Variants in DHRSX observed in about 807,000 individuals in gnomAD.
The protein encoded by DHRSX is dehydrogenase/reductase X-linked.
In DHRSX, 31 loss-of-function variants were observed where a neutral mutation model predicts 34.0. The ratio of observed to expected loss-of-function variants is 0.91; its 90% CI spans 0.69 to 1.23. DHRSX has a LOEUF of 1.23. Among genes scored for constraint, DHRSX ranks in the 50% most tolerant of loss-of-function variants. The pLI is 0.00. For missense variants in DHRSX, 414 were observed against 428.1 expected (o/e 0.97, Z 0.29); for synonymous variants, 201 against 183.8 (o/e 1.09, Z -0.76).
At chrX:2,410,773 T>C (rs900467858) in intron 2 of DHRSX, among the ~76,000 whole-genome samples, 1 of 152,168 alleles carries the variant, frequency 6.6e-6, no homozygotes, top group African/African-American at 2.4e-5. Context: ...TTGGAAATGT[T>C]TTTGGCTCCA....
At chrX:2,360,332 C>G (rs764826154) in intron 3 of DHRSX, among the ~76,000 whole-genome samples, 32 of 152,308 alleles carry the variant, frequency 2.1e-4, no homozygotes, top group Middle Eastern at 3.4e-3. Flanking sequence ...CGCCTGTAAT[C>G]CCAGCACTTT....
intron 1 of DHRSX, among the ~76,000 whole-genome samples, chrX:2,466,228 C>G (rs1406704783): frequency 6.6e-6 from 1 of 152,062 alleles, no homozygotes; most frequent in Non-Finnish European, 1.5e-5. Context: ...TACCTGAGGT[C>G]GGTAGCTCAA....
intron 6 of DHRSX, among the ~76,000 whole-genome samples, chrX:2,240,435 G>A (rs1354739580): frequency 2.0e-5 from 3 of 152,056 alleles, no homozygotes; most frequent in Non-Finnish European, 4.4e-5. Context: ...GGGGCGGGCA[G>A]CTCATATCAT....
intron 6 of DHRSX, among the ~76,000 whole-genome samples, chrX:2,228,794 G>A (rs1161827857): frequency 1.3e-5 from 2 of 152,080 alleles, no homozygotes; most frequent in African/African-American, 2.4e-5. Context: ...ATTTGCCTGT[G>A]ACTCTTCAAA....
intron 5 of DHRSX, among the ~76,000 whole-genome samples, chrX:2,254,206 T>C (rs1338535805): frequency 6.6e-6 from 1 of 152,216 alleles, no homozygotes; most frequent in South Asian, 2.1e-4. Context: ...TTGCATTGAT[T>C]ATTTATCCAC....
rs184425092 is a variant in DHRSX at position 2,258,179 on chromosome X, T to C, written c.596+8561A>G. Among the ~76,000 whole-genome samples the C allele has an allele frequency of 5.1e-4, 77 of 150,718 alleles. 3 individuals are homozygous for C. Among genetic ancestry groups the C allele is most frequent in the African/African-American group, 1.8e-3 (73 of 40,928 alleles). On this transcript the variant is annotated intron_variant, in intron 5 of 6. Coordinates refer to ENST00000334651, the MANE Select transcript of DHRSX (RefSeq NM_145177.3). Reference sequence around the variant, plus strand: ...GGACTGTGGGAGAATCAATGTCTGCTGTTATAAGCTACACAGTCTATGGTA... The same window carrying C: ...GGACTGTGGGAGAATCAATGTCTGCCGTTATAAGCTACACAGTCTATGGTA...
intron 3 of DHRSX, among the ~76,000 whole-genome samples, chrX:2,359,456 T>C (rs996890900): frequency 1.3e-5 from 2 of 152,050 alleles, no homozygotes; most frequent in African/African-American, 4.8e-5. Context: ...GGCGGGTGGA[T>C]CGCGAGGTCA....
In DHRSX at chrX:2,309,536, A is replaced by G. The variant is rs775055795; in HGVS notation, c.287-17933T>C. Among the ~76,000 whole-genome samples, 29 of 152,334 alleles carry G rather than the reference A, an allele frequency of 1.9e-4. No individual in the cohort carries two copies. In the South Asian group the frequency reaches 3.7e-3, roughly 20 times the overall value. ...TCTGAAATATTATTAAAGAGCTCCT[A>G]GAATAAATGTGATAAGTGTGTCCAT... On this transcript the variant is annotated intron_variant, in intron 3 of 6. Coordinates refer to ENST00000334651, the MANE Select transcript of DHRSX (RefSeq NM_145177.3).
At chrX:2,376,966 C>A (rs763703645) in intron 3 of DHRSX, among the ~76,000 whole-genome samples, 6 of 151,194 alleles carry the variant, frequency 4.0e-5, no homozygotes, top group Non-Finnish European at 7.4e-5. Flanking sequence ...TGCACTCCAG[C>A]CTGGGTGACA....
chrX:2,351,264 C>G (rs1378103969), intron 3 of DHRSX, among the ~76,000 whole-genome samples: 1 of 152,162 alleles, frequency 6.6e-6, no homozygotes, highest in Non-Finnish European at 1.5e-5. Context: ...GAAAGAAAGT[C>G]AAAGACAGTT....
At chrX:2,484,832 T>G (rs1448960295) in intron 1 of DHRSX, among the ~76,000 whole-genome samples, 3 of 152,118 alleles carry the variant, frequency 2.0e-5, no homozygotes, top group Non-Finnish European at 4.4e-5. Context: ...AGGAGCTGGC[T>G]GCGCCAGGAA....
intron 3 of DHRSX, among the ~76,000 whole-genome samples, chrX:2,310,047 T>C (rs1403550350): frequency 6.6e-6 from 1 of 152,186 alleles, no homozygotes; most frequent in African/African-American, 2.4e-5. Context: ...TGAATCCGTC[T>C]GCACCTGCCC....
At chrX:2,260,459 CATTTT>C (rs2041348551) in intron 5 of DHRSX, among the ~76,000 whole-genome samples, 1 of 138,846 alleles carries the variant, frequency 7.2e-6, no homozygotes, top group African/African-American at 3.2e-5. Context: ...TTTTCTACTT[CATTTT>C]TTTTTTTTTT....
intron 1 of DHRSX, among the ~76,000 whole-genome samples, chrX:2,467,041 G>A (rs28532728): frequency 0.21 from 31,371 of 149,458 alleles, 4,090 homozygotes; most frequent in African/African-American, 0.38. Context: ...CTCCAGCCTG[G>A]GAGACAAGAG....
At chrX:2,288,802 C>T (rs1232441295) in intron 4 of DHRSX, among the ~76,000 whole-genome samples, 1 of 152,226 alleles carries the variant, frequency 6.6e-6, no homozygotes, top group Admixed American at 6.5e-5. Flanking sequence ...GACAATCCAA[C>T]AACAAGACCC....
chrX:2,254,050 ACT>A (rs1223931072), intron 5 of DHRSX, among the ~76,000 whole-genome samples: 1 of 144,864 alleles, frequency 6.9e-6, no homozygotes, highest in Non-Finnish European at 1.5e-5. Flanking sequence ...ACAAAGCAAG[ACT>A]CTGTCTCAAA....
chrX:2,453,612 C>T (rs912123976), intron 1 of DHRSX, among the ~76,000 whole-genome samples: 5 of 151,972 alleles, frequency 3.3e-5, no homozygotes, highest in East Asian at 1.9e-4. Flanking sequence ...TGGAGGCTGC[C>T]GAGAGCTATG....
intron 2 of DHRSX, among the ~76,000 whole-genome samples, chrX:2,412,399 CTTAGGAAGTGAA>C (rs1347701350): frequency 6.6e-5 from 10 of 152,060 alleles, no homozygotes; most frequent in African/African-American, 2.4e-4. Context: ...TTTTTCACAT[CTTAGGAAGTGAA>C]CGTGCTTGGA....
intron 1 of DHRSX, chrX:2,490,056 C>T (rs199725990): frequency 9.3e-6 from 15 of 1,613,578 alleles, no homozygotes; most frequent in Middle Eastern, 1.7e-4. Flanking sequence ...CAGTTGGGGG[C>T]GCCCAGGCCC....
Sources: gnomAD v4.1 joint callset for allele counts (sites outside exome capture counted in the v4.1 genomes callset) on GRCh38, gnomAD v4.1.1 for gene constraint, MANE v1.5 for transcripts, NCBI Gene and HGNC (gene_info 2026-07-23, HGNC 2026-07-21) for gene names.